Variants in RFC3 observed in about 807,000 individuals in gnomAD.
The protein encoded by RFC3 is A1 38 kDa subunit.
RFC3 carries 41 observed loss-of-function variants against 45.1 expected under a neutral mutation model. The ratio of observed to expected loss-of-function variants is 0.91; its 90% CI spans 0.71 to 1.18. The LOEUF is 1.18. RFC3 is among the 50% of genes most tolerant of loss of function. RFC3 has a pLI of 0.00. For missense variants in RFC3, 423 were observed against 428.1 expected, an observed-to-expected ratio of 0.99 and a Z score of 0.10; for synonymous variants, 149 against 144.0, an observed-to-expected ratio of 1.03 and a Z score of -0.25.
intron 8 of RFC3, among the ~76,000 whole-genome samples, chr13:33,845,921 C>T (rs1010680378): frequency 1.3e-5 from 2 of 152,098 alleles, no homozygotes; most frequent in Non-Finnish European, 2.9e-5. Flanking sequence ...GAAGGCATTC[C>T]AAGTGTTCAG....
chr13:33,853,644 A>G lies in RFC3; in HGVS notation c.879+18427A>G, dbSNP rs750529386. ...ATACAGGGAGAAAGGTACGTTGAAGATGGAGTTAGACCAACATACAAGGGG... is the reference window on the plus strand; with the variant it reads ...ATACAGGGAGAAAGGTACGTTGAAGGTGGAGTTAGACCAACATACAAGGGG... On this transcript the variant is annotated intron_variant, in intron 8 of 8. Transcript: ENST00000434425. Among the ~76,000 whole-genome samples, 4 of 152,210 alleles carry G rather than the reference A, an allele frequency of 2.6e-5. No individual in the cohort carries two copies. The East Asian group carries it at 5.8e-4, about 22-fold the overall frequency.
intron 7 of RFC3, among the ~76,000 whole-genome samples, chr13:33,831,767 G>A (rs1451374365): frequency 6.6e-6 from 1 of 152,150 alleles, no homozygotes; most frequent in Non-Finnish European, 1.5e-5. Context: ...CAGACTTCTA[G>A]TTCTTGTCCT....
chr13:33,912,421 G>C (rs1445025204), intron 8 of RFC3, among the ~76,000 whole-genome samples: 4 of 152,010 alleles, frequency 2.6e-5, no homozygotes, highest in Non-Finnish European at 5.9e-5. Flanking sequence ...GCATCAAGAA[G>C]GGCTTTCTAG....
intron 8 of RFC3, among the ~76,000 whole-genome samples, chr13:33,945,157 G>T (rs2082947330): frequency 6.6e-6 from 1 of 152,062 alleles, no homozygotes; most frequent in Non-Finnish European, 1.5e-5. Context: ...TATGGCCTTT[G>T]CCTCATATTC....
intron 8 of RFC3, among the ~76,000 whole-genome samples, chr13:33,861,559 C>A (rs559706534): frequency 1.9e-4 from 29 of 151,660 alleles, no homozygotes; most frequent in African/African-American, 6.8e-4. Context: ...GCAGGAGAAT[C>A]TCTTGAACCC....
chr13:33,958,489 T>C (rs1291340056), intron 8 of RFC3, among the ~76,000 whole-genome samples: 1 of 152,242 alleles, frequency 6.6e-6, no homozygotes, highest in Non-Finnish European at 1.5e-5. Context: ...CTGACATGTT[T>C]GTACCAGATC....
chr13:33,949,985 G>A (rs2082978737), intron 8 of RFC3, among the ~76,000 whole-genome samples: 1 of 151,798 alleles, frequency 6.6e-6, no homozygotes, highest in South Asian at 2.1e-4. Flanking sequence ...GCTTTCCTGG[G>A]TCTCCAGCTT....
At chr13:33,961,726 AC>A (rs1240081621) in intron 8 of RFC3, among the ~76,000 whole-genome samples, 1 of 152,212 alleles carries the variant, frequency 6.6e-6, no homozygotes, top group Non-Finnish European at 1.5e-5. Context: ...TACAAGAGGA[AC>A]ACTCAAGACA....
chr13:33,945,699 C>G (rs1049526079), intron 8 of RFC3, among the ~76,000 whole-genome samples: 1 of 152,188 alleles, frequency 6.6e-6, no homozygotes, highest in Non-Finnish European at 1.5e-5. Context: ...TAGGGATATA[C>G]GCTGCCTGAT....
At chr13:33,937,710 C>T (rs1202280913) in intron 8 of RFC3, among the ~76,000 whole-genome samples, 2 of 152,154 alleles carry the variant, frequency 1.3e-5, no homozygotes, top group Admixed American at 6.5e-5. Flanking sequence ...TAGCCGGACT[C>T]CTTATCTAAA....
chr13:33,877,583 TG>T (rs1298619810), intron 8 of RFC3, among the ~76,000 whole-genome samples: 5 of 152,056 alleles, frequency 3.3e-5, no homozygotes, highest in African/African-American at 1.2e-4. Flanking sequence ...CTACTTTGTC[TG>T]ATGTTTTTTT....
At position 33,834,836 on chromosome 13, in the gene RFC3, ATGGTGT is replaced by A. The variant is rs749553215; in HGVS notation, c.810-310_810-305del. Among the ~76,000 whole-genome samples the A allele has an allele frequency of 2.7e-4, 41 of 152,204 alleles. 1 individual carries two copies. In the Middle Eastern group the frequency reaches 0.017, roughly 63 times the overall value. Reference sequence around the variant, plus strand: ...GTCTCAATTTCTATCTGGTATTTTCATGGTGTTTTGATATAATTAGGAACCCTGAAT... The same window carrying A: ...GTCTCAATTTCTATCTGGTATTTTCATTTGATATAATTAGGAACCCTGAAT... On this transcript the variant is annotated intron_variant, in intron 7 of 8. Coordinates refer to ENST00000380071, the MANE Select transcript of RFC3 (RefSeq NM_002915.4).
chr13:33,880,714 TTAATTCTCTAAATG>T (rs1377794553), intron 8 of RFC3, among the ~76,000 whole-genome samples: 12 of 152,194 alleles, frequency 7.9e-5, no homozygotes, highest in Non-Finnish European at 8.8e-5. Flanking sequence ...ACCTTACATT[TTAATTCTCTAAATG>T]GAAAGGTGTG....
chr13:33,977,045 A>G, the RFC3 span, among the ~76,000 whole-genome samples: 27 of 152,118 alleles, frequency 1.8e-4, no homozygotes, highest in African/African-American at 6.5e-4. Flanking sequence ...TAATCGTGAG[A>G]AAAAAAATCA....
chr13:33,818,159 C>A lies in RFC3; in HGVS notation c.-20C>A, dbSNP rs112921767. The A allele has an allele frequency of 3.7e-6, 6 of 1,606,120 alleles. No individual in the cohort carries two copies. The highest frequency in any genetic ancestry group is 1.6e-4 in the Middle Eastern group (1 of 6,066). The stretch of plus-strand genomic sequence containing the variant: ...TCGCGCGGGATTTTCAAGCGTAGGC[C>A]CCCGGGAACTCGAGCTGCCATGAGC... On this transcript the variant is annotated 5_prime_UTR_variant, in exon 1 of 9. Transcript: ENST00000380071.
intron 6 of RFC3, 30 bp from the exon 7 acceptor site, chr13:33,831,226 A>T (rs1357231322): frequency 7.4e-7 from 1 of 1,358,110 alleles, no homozygotes; most frequent in Middle Eastern, 1.8e-4. Flanking sequence ...ACTTCTGTTT[A>T]ACTTCTTGTG....
Position 33,837,185 on chromosome 13 carries a change from G to A in RFC3, c.*890G>A, listed in dbSNP as rs188216120. On this transcript the variant is annotated 3_prime_UTR_variant, in exon 9 of 9. Coordinates refer to ENST00000380071, the MANE Select transcript of RFC3 (RefSeq NM_002915.4). ...TGATCCCAATCAAGGTATAGATGCC[G>A]TCACCCCAAAAAGTTCCCTCCATAT... 1.5e-4 allele frequency: 69 copies of A among 445,666 alleles called. No homozygotes were observed. Among genetic ancestry groups the A allele is most frequent in the South Asian group, 1.9e-4 (2 of 10,476 alleles). The allele number at this position is 445,666 out of a possible 1,614,324, so 27.6% of individuals were successfully genotyped here.
intron 8 of RFC3, among the ~76,000 whole-genome samples, chr13:33,932,124 A>C (rs1313754356): frequency 6.6e-6 from 1 of 152,006 alleles, no homozygotes. Flanking sequence ...ACACATGTGG[A>C]CTCTGCCAGC....
chr13:33,840,247 A>G (rs1216062002), downstream of RFC3, among the ~76,000 whole-genome samples: 1 of 152,166 alleles, frequency 6.6e-6, no homozygotes, highest in Non-Finnish European at 1.5e-5. Context: ...AGTGTTGCAT[A>G]AGTCACAGAG....
Sources: allele counts gnomAD v4.1 joint callset (sites outside exome capture counted in the v4.1 genomes callset), GRCh38; gene constraint gnomAD v4.1.1; transcripts MANE v1.5; gene names NCBI Gene and HGNC (gene_info 2026-07-23, HGNC 2026-07-21).